Variants in MUSK observed in about 807,000 individuals in gnomAD.
The protein encoded by MUSK is muscle associated receptor tyrosine kinase, also known as muscle, skeletal receptor tyrosine-protein kinase.
Under a neutral mutation model 88.7 loss-of-function variants are expected in MUSK, and 55 were observed. That is an observed-to-expected ratio of 0.62 (90% confidence interval 0.50 to 0.78). MUSK has a LOEUF of 0.78. Ranked by LOEUF, MUSK falls within the 30% of genes least tolerant of loss-of-function variation. The probability of loss-of-function intolerance (pLI) is 0.00; values close to 1 mark genes in which losing one functional copy is unlikely to be tolerated. For missense variants in MUSK, 1,015 were observed against 1,074.3 expected (o/e 0.94, Z 0.77); for synonymous variants, 387 against 391.9 (o/e 0.99, Z 0.15).
intron 7 of MUSK, among the ~76,000 whole-genome samples, chr9:110,758,707 G>A (rs1387751162): frequency 6.6e-6 from 1 of 152,162 alleles, no homozygotes; most frequent in East Asian, 1.9e-4. Flanking sequence ...GAGCTGTTAA[G>A]CAACATCAGC....
At chr9:110,746,941 G>A (rs2077181091) in intron 6 of MUSK, among the ~76,000 whole-genome samples, 1 of 152,172 alleles carries the variant, frequency 6.6e-6, no homozygotes. Flanking sequence ...CCTTAAGTCT[G>A]CAACCTCTCA....
chr9:110,746,161 A>G (rs1049405778), intron 6 of MUSK, among the ~76,000 whole-genome samples: 3 of 152,216 alleles, frequency 2.0e-5, no homozygotes, highest in Non-Finnish European at 4.4e-5. Flanking sequence ...AAGTCAAAGC[A>G]TAACACCAGC....
chr9:110,723,461 G>A (rs2076841911), intron 5 of MUSK, among the ~76,000 whole-genome samples: 1 of 150,420 alleles, frequency 6.6e-6, no homozygotes, highest in Admixed American at 6.7e-5. Context: ...TAGACTTTGG[G>A]GACTCAGGGG....
chr9:110,723,230 T>TAC (rs1391888387), intron 5 of MUSK, among the ~76,000 whole-genome samples: 7 of 56,946 alleles, frequency 1.2e-4, no homozygotes, highest in African/African-American at 4.3e-4. Context: ...CTACTACATA[T>TAC]ACATACACAC....
At chr9:110,797,449 G>T (rs1242470553) in intron 14 of MUSK, among the ~76,000 whole-genome samples, 3 of 152,044 alleles carry the variant, frequency 2.0e-5, no homozygotes, top group East Asian at 1.9e-4. Context: ...CAAAGTCAGG[G>T]GTATGACAAT....
intron 5 of MUSK, among the ~76,000 whole-genome samples, chr9:110,732,707 C>A (rs915742466): frequency 6.6e-6 from 1 of 152,018 alleles, no homozygotes; most frequent in Admixed American, 6.6e-5. Flanking sequence ...ACAGATTCAG[C>A]TTCATTTTAA....
chr9:110,690,120 T>C (rs1466055268), intron 3 of MUSK, among the ~76,000 whole-genome samples: 1 of 32,212 alleles, frequency 3.1e-5, no homozygotes, highest in Non-Finnish European at 5.7e-5. Context: ...GAAATATATA[T>C]TATATAAGTA....
intron 7 of MUSK, among the ~76,000 whole-genome samples, chr9:110,758,332 C>A (rs539759480): frequency 6.6e-6 from 1 of 152,228 alleles, no homozygotes; most frequent in African/African-American, 2.4e-5. Flanking sequence ...AGAATCATAA[C>A]ATTTTGAAAA....
At chr9:110,775,767 G>T (rs1414706498) in intron 9 of MUSK, 21 bp from the exon 10 acceptor site, 5 of 1,611,498 alleles carry the variant, frequency 3.1e-6, no homozygotes, top group Non-Finnish European at 4.2e-6. Context: ...ATCAAGTTTT[G>T]TTCTCCATAT....
intron 6 of MUSK, among the ~76,000 whole-genome samples, chr9:110,745,650 A>G (rs1374626745): frequency 1.3e-5 from 2 of 152,276 alleles, no homozygotes; most frequent in Non-Finnish European, 2.9e-5. Flanking sequence ...AAATATGATA[A>G]TGATGAGTTT....
At chr9:110,762,088 G>C (rs967194843) in intron 7 of MUSK, 114 bp from the exon 8 acceptor site, 4 of 1,062,076 alleles carry the variant, frequency 3.8e-6, no homozygotes, top group Non-Finnish European at 4.9e-6. Context: ...CAGAAACTTA[G>C]AGATCAGTAG....
At chr9:110,767,744 C>CAAA in intron 8 of MUSK, 76 bp from the exon 9 acceptor site, 2 of 1,175,700 alleles carry the variant, frequency 1.7e-6, no homozygotes, top group Middle Eastern at 2.2e-4. Context: ...ATGTGAAAAC[C>CAAA]AAAAAAAAAA....
At chr9:110,692,869 T>C (rs927928468) in intron 3 of MUSK, among the ~76,000 whole-genome samples, 3 of 152,084 alleles carry the variant, frequency 2.0e-5, no homozygotes, top group African/African-American at 7.2e-5. Context: ...AAAAAATTGA[T>C]TTTGTTTGGG....
intron 7 of MUSK, among the ~76,000 whole-genome samples, chr9:110,759,288 T>C (rs888609592): frequency 3.3e-5 from 5 of 152,132 alleles, no homozygotes; most frequent in Admixed American, 3.3e-4. Flanking sequence ...ATGTAAAAGA[T>C]TGAAGCTGGA....
In MUSK at chr9:110,800,358, T is replaced by C. The variant is rs776305893; in HGVS notation, c.1980T>C (p.Tyr660=). 3 of 1,613,792 alleles carry C rather than the reference T, an allele frequency of 1.9e-6. No individual in the cohort carries two copies. The highest frequency in any genetic ancestry group is 1.3e-5 in the African/African-American group (1 of 74,888). ...GCCTGCTCTTTGAATACATGGCCTATGGTGACCTCAATGAGTTCCTCCGCA... is the reference window on the plus strand; with the variant it reads ...GCCTGCTCTTTGAATACATGGCCTACGGTGACCTCAATGAGTTCCTCCGCA... The part of the protein sequence containing the change: ...PMCLLFEYMA[Y]GDLNEFLRSM... Residue 660 remains tyrosine (Y), a synonymous_variant, in exon 15 of 15, where the codon TAT becomes TAC. Coordinates refer to ENST00000374448, the MANE Select transcript of MUSK (RefSeq NM_005592.4).
intron 5 of MUSK, among the ~76,000 whole-genome samples, chr9:110,731,169 TA>T (rs551992618): frequency 2.4e-4 from 36 of 152,146 alleles, no homozygotes; most frequent in African/African-American, 6.3e-4. Flanking sequence ...GTTCTAGAAA[TA>T]GAGACAGATA....
intron 7 of MUSK, among the ~76,000 whole-genome samples, chr9:110,751,689 C>T (rs1392238139): frequency 3.3e-5 from 5 of 152,040 alleles, no homozygotes; most frequent in Non-Finnish European, 7.4e-5. Flanking sequence ...GGAAGTGAGG[C>T]TTGAAGCCAC....
intron 5 of MUSK, among the ~76,000 whole-genome samples, chr9:110,719,511 T>C (rs2076784323): frequency 6.6e-6 from 1 of 152,134 alleles, no homozygotes; most frequent in East Asian, 1.9e-4. Flanking sequence ...TATATAATGA[T>C]AAAAACACTA....
intron 5 of MUSK, 89 bp downstream of exon 5, chr9:110,697,555 A>C: frequency 7.2e-7 from 1 of 1,386,972 alleles, no homozygotes; most frequent in Non-Finnish European, 9.7e-7. Flanking sequence ...GAGAGAAGAG[A>C]TGTGGGCAGC....
Sources: allele counts gnomAD v4.1 joint callset (sites outside exome capture counted in the v4.1 genomes callset), GRCh38; gene constraint gnomAD v4.1.1; transcripts MANE v1.5; gene names NCBI Gene and HGNC (gene_info 2026-07-23, HGNC 2026-07-21).